HIBADH: variants seen among roughly 807,000 people sequenced by gnomAD.
HIBADH encodes the protein 3-hydroxyisobutyrate dehydrogenase, mitochondrial.
In HIBADH, 25 loss-of-function variants were observed where a neutral mutation model predicts 36.1. That is an observed-to-expected ratio of 0.69 (90% CI 0.50 to 0.97). HIBADH has a LOEUF of 0.97. Ranked by LOEUF, HIBADH falls within the 50% of genes least tolerant of loss-of-function variation. The pLI is 0.00. For missense variants in HIBADH, 421 were observed against 418.0 expected (o/e 1.01, Z -0.06); for synonymous variants, 160 against 149.5 (o/e 1.07, Z -0.51).
chr7:27,616,659 G>C (rs1436783338), intron 4 of HIBADH, among the ~76,000 whole-genome samples: 1 of 151,966 alleles, frequency 6.6e-6, no homozygotes, highest in Non-Finnish European at 1.5e-5. Flanking sequence ...AAGGAGTCTT[G>C]CCATATTACC....
chr7:27,548,049 G>A (rs947799348), intron 4 of HIBADH, among the ~76,000 whole-genome samples: 5 of 152,016 alleles, frequency 3.3e-5, no homozygotes, highest in Non-Finnish European at 7.4e-5. Flanking sequence ...CCCAAACTAT[G>A]CAAAATGGGT....
intron 4 of HIBADH, among the ~76,000 whole-genome samples, chr7:27,606,319 C>T (rs573452289): frequency 5.3e-5 from 8 of 152,192 alleles, no homozygotes; most frequent in East Asian, 1.9e-4. Flanking sequence ...TTAATCCCTC[C>T]GCAGACAAAG....
chr7:27,553,717 C>A (rs1784352651), intron 4 of HIBADH, among the ~76,000 whole-genome samples: 1 of 152,178 alleles, frequency 6.6e-6, no homozygotes, highest in African/African-American at 2.4e-5. Context: ...TGTCGGTTTA[C>A]AATAAAACAC....
chr7:27,599,524 T>C (rs1489404476), intron 4 of HIBADH, among the ~76,000 whole-genome samples: 1 of 151,174 alleles, frequency 6.6e-6, no homozygotes, highest in Admixed American at 6.6e-5. Context: ...CTACTAAAAA[T>C]ACAAAAAATT....
At chr7:27,535,879 G>C (rs1370303147) in intron 6 of HIBADH, among the ~76,000 whole-genome samples, 2 of 151,842 alleles carry the variant, frequency 1.3e-5, no homozygotes, top group African/African-American at 2.4e-5. Context: ...TAAAAAAGGG[G>C]AACAGTGTTC....
chr7:27,555,573 C>T (rs559840035), intron 4 of HIBADH, among the ~76,000 whole-genome samples: 1 of 152,066 alleles, frequency 6.6e-6, no homozygotes, highest in Non-Finnish European at 1.5e-5. Flanking sequence ...TCCCCCTACC[C>T]TCTCCTCAAA....
chr7:27,657,381 G>A (rs1181471620), intron 1 of HIBADH, among the ~76,000 whole-genome samples: 2 of 152,132 alleles, frequency 1.3e-5, no homozygotes, highest in Admixed American at 6.5e-5. Context: ...AAAAGGGAGG[G>A]AGTCAAAGGA....
chr7:27,552,623 C>T (rs777260107), intron 4 of HIBADH, among the ~76,000 whole-genome samples: 2 of 152,132 alleles, frequency 1.3e-5, no homozygotes, highest in African/African-American at 4.8e-5. Context: ...GTTGAATAAA[C>T]GCTAGGGATG....
intron 3 of HIBADH, among the ~76,000 whole-genome samples, chr7:27,630,807 A>G (rs1785734075): frequency 6.6e-6 from 1 of 152,220 alleles, no homozygotes; most frequent in African/African-American, 2.4e-5. Context: ...GAATTGTTAC[A>G]ATTCAAATGC....
At chr7:27,527,507 G>A (rs1783921779) in intron 7 of HIBADH, among the ~76,000 whole-genome samples, 1 of 152,168 alleles carries the variant, frequency 6.6e-6, no homozygotes, top group African/African-American at 2.4e-5. Flanking sequence ...GGGAGAGTAA[G>A]CCAAGTATGG....
chr7:27,653,048 G>C (rs1786225576), intron 1 of HIBADH, among the ~76,000 whole-genome samples: 1 of 152,120 alleles, frequency 6.6e-6, no homozygotes, highest in African/African-American at 2.4e-5. Context: ...AGGATTGCTT[G>C]AACATAGGGG....
chr7:27,563,355 G>T (rs913141273), intron 4 of HIBADH, among the ~76,000 whole-genome samples: 10 of 152,142 alleles, frequency 6.6e-5, no homozygotes, highest in Non-Finnish European at 1.5e-4. Flanking sequence ...ATGAATTCAG[G>T]TACAGGTTTT....
intron 2 of HIBADH, among the ~76,000 whole-genome samples, chr7:27,648,335 C>T (rs1219561288): frequency 6.6e-6 from 1 of 152,190 alleles, no homozygotes; most frequent in African/African-American, 2.4e-5. Flanking sequence ...CAACACTACC[C>T]TGAAAAGTTC....
At chr7:27,619,151 A>G (rs956310539) in intron 4 of HIBADH, among the ~76,000 whole-genome samples, 2 of 152,172 alleles carry the variant, frequency 1.3e-5, no homozygotes, top group Non-Finnish European at 2.9e-5. Context: ...CACAGCTTCC[A>G]CTAATAACTT....
chr7:27,642,795 GCGCCCGCCATTA>G (rs541704719), intron 2 of HIBADH, among the ~76,000 whole-genome samples: 161 of 151,640 alleles, frequency 1.1e-3, no homozygotes, highest in African/African-American at 3.7e-3. Flanking sequence ...GGGACTACAG[GCGCCCGCCATTA>G]CGCCCGGCTA....
chr7:27,619,538 T>C (rs1489666694), intron 4 of HIBADH, among the ~76,000 whole-genome samples: 1 of 152,190 alleles, frequency 6.6e-6, no homozygotes, highest in East Asian at 1.9e-4. Flanking sequence ...AAAAACAGAT[T>C]AATTCCAAAA....
intron 4 of HIBADH, among the ~76,000 whole-genome samples, chr7:27,611,860 C>A (rs1307517708): frequency 6.6e-6 from 1 of 152,136 alleles, no homozygotes; most frequent in Non-Finnish European, 1.5e-5. Context: ...AGAGCAACTC[C>A]TTTCAGTGAA....
At chr7:27,620,520 A>C (rs57295664) in intron 4 of HIBADH, among the ~76,000 whole-genome samples, 1,636 of 152,054 alleles carry the variant, frequency 0.011, 26 homozygotes, top group African/African-American at 0.037. Context: ...CAAAAAAAAA[A>C]CCCTGGCAGC....
rs373362676 is a variant in HIBADH at position 27,582,859 on chromosome 7, G to GT, written c.485-39760dup. On this transcript the variant is annotated intron_variant, in intron 4 of 7. Coordinates refer to ENST00000265395, the MANE Select transcript of HIBADH (RefSeq NM_152740.4). ...GAATTAGCTCTACCTCTACAAATGA[G>GT]TAGGACAAATTCTTTAACCTCTTTA... 2.4e-3 allele frequency among the ~76,000 whole-genome samples: 362 copies of GT among 152,224 alleles called. 3 individuals carry two copies. The highest frequency in any genetic ancestry group is 8.3e-3 in the African/African-American group (346 of 41,560).
Sources: allele counts gnomAD v4.1 joint callset (sites outside exome capture counted in the v4.1 genomes callset), GRCh38; gene constraint gnomAD v4.1.1; transcripts MANE v1.5; gene names NCBI Gene and HGNC (gene_info 2026-07-23, HGNC 2026-07-21).